The following OIP5 variants were observed in gnomAD, a reference collection of about 807,000 sequenced individuals.
The protein encoded by OIP5 is protein Mis18-beta.
OIP5 carries 24 observed loss-of-function variants against 20.3 expected under a neutral mutation model. That is an observed-to-expected ratio of 1.18 (90% CI 0.86 to 1.66). The LOEUF (loss-of-function observed/expected upper bound fraction) is 1.66, where lower values mean the gene tolerates loss of function less well. Ranked by LOEUF, OIP5 falls within the 40% of genes most tolerant of loss-of-function variation. The probability of loss-of-function intolerance (pLI) is 0.00; values close to 1 mark genes in which losing one functional copy is unlikely to be tolerated. For missense variants in OIP5, 339 were observed against 289.5 expected, an observed-to-expected ratio of 1.17 and a Z score of -1.24; for synonymous variants, 143 against 121.3, an observed-to-expected ratio of 1.18 and a Z score of -1.17.
intron 2 of OIP5, among the ~76,000 whole-genome samples, chr15:41,328,457 A>G (rs2047876417): frequency 6.6e-6 from 1 of 152,248 alleles, no homozygotes; most frequent in Admixed American, 6.5e-5. Context: ...TACTTCACTT[A>G]TAATACAAAC....
intron 2 of OIP5, among the ~76,000 whole-genome samples, chr15:41,325,507 G>C (rs1272301060): frequency 6.6e-6 from 1 of 151,210 alleles, no homozygotes; most frequent in African/African-American, 2.4e-5. Flanking sequence ...CAACAGACTT[G>C]CTCAACAAAA....
intron 2 of OIP5, among the ~76,000 whole-genome samples, chr15:41,321,410 T>C (rs1458035360): frequency 3.3e-5 from 5 of 152,298 alleles, no homozygotes; most frequent in South Asian, 2.1e-4. Context: ...GCCACCACCC[T>C]GTCTGGGAGG....
In OIP5 at chr15:41,332,485, C is replaced by T. The variant is rs2047945082; in HGVS notation, c.77G>A (p.Arg26Lys). ...CGTAAAAGAAGCTTGGTCAATCGCC[C>T]TCTCAGTGCCACCACAAAAGTCCCC... ...PRGDFCGGTE[R>K]AIDQASFTTS... Residue 26 changes from arginine to lysine, a missense_variant, in exon 1 of 5, where the codon AGG (arginine) becomes AAG (lysine). Physicochemically the swap from Arg to Lys is conservative, Grantham distance 26 (BLOSUM62 2). Transcript: ENST00000220514. The T allele has an allele frequency of 2.5e-6, 4 of 1,614,076 alleles. No homozygotes were observed.
chr15:41,314,124 T>G (rs2047775535), intron 3 of OIP5, among the ~76,000 whole-genome samples: 1 of 151,978 alleles, frequency 6.6e-6, no homozygotes, highest in South Asian at 2.1e-4. Flanking sequence ...TTTTTTGAGA[T>G]GGAGTCTCGC....
chr15:41,311,924 GGCTCACTGCAACCTCTGCCTCC>G (rs2047757283), intron 4 of OIP5, among the ~76,000 whole-genome samples: 6 of 121,458 alleles, frequency 4.9e-5, no homozygotes, highest in Admixed American at 8.4e-5. Context: ...GCAAGCTCTC[GGCTCACTGCAACCTCTGCCTCC>G]CAGGTTCAAG....
At position 41,312,227 on chromosome 15, in the gene OIP5, T is replaced by A. The variant is rs1378129406; in HGVS notation, c.594+1046A>T. 1.3e-4 allele frequency among the ~76,000 whole-genome samples: 13 copies of A among 103,320 alleles called. 1 individual carries two copies. Among genetic ancestry groups the A allele is most frequent in the African/African-American group, 3.5e-4 (13 of 37,170 alleles). The allele number at this position is 103,320 out of a possible 152,430, so 67.8% of individuals were successfully genotyped here. On this transcript the variant is annotated intron_variant, in intron 4 of 4. Coordinates refer to ENST00000220514, the MANE Select transcript of OIP5 (RefSeq NM_007280.2). ...CTCAGGCTAGAGTGCAATGGCATGA[T>A]CTTGCCTCACAACAACCTCTATCTC...
intron 1 of OIP5, 119 bp from the exon 2 acceptor site, chr15:41,332,100 A>G: frequency 2.3e-6 from 3 of 1,329,914 alleles, no homozygotes; most frequent in Non-Finnish European, 3.2e-6. Flanking sequence ...TCCCTGCCCC[A>G]TCCCCAGGCC....
chr15:41,327,309 G>A (rs1035120532), intron 2 of OIP5, among the ~76,000 whole-genome samples: 34 of 151,726 alleles, frequency 2.2e-4, no homozygotes, highest in Admixed American at 2.2e-3. Context: ...AGCCTCCCCA[G>A]TAGCAGGGAT....
intron 4 of OIP5, among the ~76,000 whole-genome samples, chr15:41,312,627 AT>A (rs907153998): frequency 0.037 from 4,675 of 126,974 alleles, 76 homozygotes; most frequent in Middle Eastern, 0.056. Context: ...GACCGGCTAA[AT>A]TTTTTTTTTT....
intron 2 of OIP5, among the ~76,000 whole-genome samples, chr15:41,320,193 T>C (rs2047814056): frequency 2.0e-5 from 3 of 152,186 alleles, no homozygotes; most frequent in Admixed American, 2.0e-4. Flanking sequence ...AAATTGTTCA[T>C]AGAACTAAAA....
At chr15:41,329,063 CAAAAAAA>C (rs1166517767) in intron 2 of OIP5, among the ~76,000 whole-genome samples, 5 of 50,356 alleles carry the variant, frequency 9.9e-5, no homozygotes, top group South Asian at 8.6e-4. Flanking sequence ...GACTCCATCT[CAAAAAAA>C]AAAAAAAAAA....
At position 41,309,816 on chromosome 15, in the gene OIP5, A is replaced by C. The variant is rs139348470; in HGVS notation, c.628T>G (p.Leu210Val). The C allele has an allele frequency of 3.8e-5, 61 of 1,613,906 alleles. No individual in the cohort carries two copies. The African/African-American group carries it at 6.9e-4, about 18-fold the overall frequency. Residue 210 changes from leucine (L) to valine (V), a missense_variant, in exon 5 of 5, where the codon TTA becomes GTA. By Grantham distance (32) the Leu-to-Val change is conservative (BLOSUM62 1). Coordinates refer to ENST00000220514, the MANE Select transcript of OIP5 (RefSeq NM_007280.2). ...CTCAGAATCTTCATTAGTGATTTTA[A>C]GCGATTGTGCGTTAGCACTATCTTC... is the stretch of plus-strand genomic sequence containing the variant. ...KEKIVLTHNR[L>V]KSLMKILSEV...
At chr15:41,332,049 A>G in intron 1 of OIP5, 68 bp from the exon 2 acceptor site, 1 of 1,489,856 alleles carries the variant, frequency 6.7e-7, no homozygotes, top group Non-Finnish European at 9.4e-7. Flanking sequence ...TCTCCTCTAG[A>G]CAGACTCATC....
chr15:41,331,254 G>A (rs904206416), intron 2 of OIP5, among the ~76,000 whole-genome samples: 2 of 152,172 alleles, frequency 1.3e-5, no homozygotes, highest in Admixed American at 6.6e-5. Flanking sequence ...CAGGCAGGTC[G>A]CAAAGTTTAC....
At chr15:41,317,840 A>G (rs1305922348) in intron 3 of OIP5, among the ~76,000 whole-genome samples, 8 of 152,048 alleles carry the variant, frequency 5.3e-5, no homozygotes, top group African/African-American at 1.9e-4. Flanking sequence ...CACCATACAC[A>G]GTTAATATTT....
In OIP5 at chr15:41,319,722, A is replaced by C. The variant is rs1386299468; in HGVS notation, c.448T>G (p.Ser150Ala). Residue 150 changes from serine (S) to alanine (A), a missense_variant, in exon 3 of 5, where the codon TCT (serine) becomes GCT (alanine). Physicochemically the swap from Ser to Ala is moderately conservative, Grantham distance 99. Transcript: ENST00000220514. ...AAGGCAGCCAGGGCAGCATGGGTAG[A>C]ATACAGATGGAAACCAACGGGAATC... ...CGIPVGFHLY[S>A]THAALAALRG... 1.9e-6 allele frequency: 3 copies of C among 1,613,940 alleles called. No individual in the cohort carries two copies. The Admixed American group carries it at 5.0e-5, about 27-fold the overall frequency.
At chr15:41,326,052 C>A (rs1278740783) in intron 2 of OIP5, among the ~76,000 whole-genome samples, 1 of 152,102 alleles carries the variant, frequency 6.6e-6, no homozygotes, top group Non-Finnish European at 1.5e-5. Flanking sequence ...ATCCCAGCTA[C>A]TAGGGAGGCT....
intron 2 of OIP5, among the ~76,000 whole-genome samples, chr15:41,323,327 A>G (rs1459281338): frequency 6.6e-6 from 1 of 152,202 alleles, no homozygotes; most frequent in Non-Finnish European, 1.5e-5. Context: ...TCTACTAAAA[A>G]TACAAAATTT....
intron 2 of OIP5, among the ~76,000 whole-genome samples, chr15:41,323,124 T>A (rs1057302747): frequency 6.6e-6 from 1 of 152,212 alleles, no homozygotes; most frequent in Non-Finnish European, 1.5e-5. Flanking sequence ...TGTCATTAAT[T>A]TGAAATTCCA....
Sources: gnomAD v4.1 joint callset for allele counts (sites outside exome capture counted in the v4.1 genomes callset) on GRCh38, gnomAD v4.1.1 for gene constraint, MANE v1.5 for transcripts, NCBI Gene and HGNC (gene_info 2026-07-23, HGNC 2026-07-21) for gene names.